Variants in DDR2 observed in about 807,000 individuals in gnomAD.
DDR2 encodes the protein discoidin domain receptor tyrosine kinase 2.
A neutral mutation model predicts 94.9 loss-of-function variants in DDR2; 27 were observed. That is an observed-to-expected ratio of 0.28 (90% CI 0.21 to 0.39). The LOEUF (loss-of-function observed/expected upper bound fraction) is 0.39, where lower values mean the gene tolerates loss of function less well. Among genes scored for constraint, DDR2 ranks in the 10% least tolerant of loss-of-function variants. DDR2 has a pLI of 1.00. For synonymous variants in DDR2, 382 were observed against 377.2 expected, an observed-to-expected ratio of 1.01 and a Z score of -0.15; for missense variants, 783 against 1,076.0, an observed-to-expected ratio of 0.73 and a Z score of 3.81.
At position 162,782,284 on chromosome 1, in the gene DDR2, T is replaced by C. The variant is rs1647946556; in HGVS notation, c.*2038T>C. The stretch of plus-strand genomic sequence containing the variant: ...TGAGGTCCTTTCTTGTTCTGATATG[T>C]CCAGTACTCACTGGAAAATTGGATC... On this transcript the variant is annotated 3_prime_UTR_variant, in exon 18 of 18. Transcript: ENST00000367921. 1 of 152,220 alleles carries C rather than the reference T, an allele frequency of 6.6e-6. No individual in the cohort carries two copies. The highest frequency in any genetic ancestry group is 2.4e-5 in the African/African-American group (1 of 41,452). 9.4% of individuals were successfully genotyped at this position (152,220 alleles called of 1,614,324 possible).
chr1:162,749,315 A>G (rs999371404), intron 3 of DDR2, among the ~76,000 whole-genome samples: 2 of 152,238 alleles, frequency 1.3e-5, no homozygotes, highest in Non-Finnish European at 2.9e-5. Flanking sequence ...AAAAAATGAT[A>G]AAGGAGTTAT....
At chr1:162,770,972 T>C (rs2102183161) in intron 12 of DDR2, among the ~76,000 whole-genome samples, 1 of 152,350 alleles carries the variant, frequency 6.6e-6, no homozygotes, top group East Asian at 1.9e-4. Flanking sequence ...GGTGTAGCCA[T>C]TTAAATAACT....
At chr1:162,737,935 T>G (rs1488258639) in intron 3 of DDR2, among the ~76,000 whole-genome samples, 1 of 151,908 alleles carries the variant, frequency 6.6e-6, no homozygotes, top group African/African-American at 2.4e-5. Context: ...TTTCATGTGT[T>G]TTTTGGCTGC....
At chr1:162,684,828 C>CACAT (rs916367117) in intron 2 of DDR2, among the ~76,000 whole-genome samples, 1 of 146,468 alleles carries the variant, frequency 6.8e-6, no homozygotes, top group Non-Finnish European at 1.5e-5. Context: ...CACACACACA[C>CACAT]ACACACACAC....
At chr1:162,694,658 C>T (rs1352765826) in intron 2 of DDR2, among the ~76,000 whole-genome samples, 10 of 151,958 alleles carry the variant, frequency 6.6e-5, no homozygotes, top group African/African-American at 2.4e-4. Context: ...ATTCATAGTG[C>T]TTAGCAAAGT....
rs911593276 is a variant in DDR2 at position 162,710,518 on chromosome 1, G to A, written c.-27-8519G>A. ...TTTGTTTCTGTGTATGTGTTTGAGGGCCCATCTCTTGCCAAAACCAAGCTC... is the reference window on the plus strand; with the variant it reads ...TTTGTTTCTGTGTATGTGTTTGAGGACCCATCTCTTGCCAAAACCAAGCTC... On this transcript the variant is annotated intron_variant, in intron 2 of 17. Transcript: ENST00000367921. Among the ~76,000 whole-genome samples, 3 of 152,078 alleles carry A rather than the reference G, an allele frequency of 2.0e-5. No homozygotes were observed. In the East Asian group the frequency reaches 5.8e-4, roughly 29 times the overall value.
chr1:162,638,022 AT>A (rs996668522), intron 1 of DDR2, among the ~76,000 whole-genome samples: 11 of 151,674 alleles, frequency 7.3e-5, no homozygotes, highest in African/African-American at 2.7e-4. Context: ...CTTTTTTTTA[AT>A]TTTTTTTATT....
Position 162,754,610 on chromosome 1 carries a change from C to A in DDR2, c.186-14C>A, listed in dbSNP as rs2102132146. 1 of 1,613,770 alleles carries A rather than the reference C, an allele frequency of 6.2e-7. No homozygotes were observed. Among genetic ancestry groups the A allele is most frequent in the East Asian group, 2.2e-5 (1 of 44,872 alleles). ...CATGGTTGCTCCCTCTCTCCCCAAC[C>A]CTCACCTCTCAAGGCTGGACTCAGA... On this transcript the variant is annotated splice_polypyrimidine_tract_variant and intron_variant, in intron 4 of 17. Transcript: ENST00000367921.
In DDR2 at chr1:162,780,311, A is replaced by G; in HGVS notation, c.*65A>G. 6.2e-7 allele frequency: 1 copy of G among 1,608,030 alleles called. No homozygotes were observed. The highest frequency in any genetic ancestry group is 8.5e-7 in the Non-Finnish European group (1 of 1,176,028). On this transcript the variant is annotated 3_prime_UTR_variant, in exon 18 of 18. Transcript: ENST00000367921. Reference sequence around the variant, plus strand: ...TCCCTACAAGACCTACCACTCACCCATGCCTATGCCACTCCATCTGGACAT... The same window carrying G: ...TCCCTACAAGACCTACCACTCACCCGTGCCTATGCCACTCCATCTGGACAT...
intron 2 of DDR2, among the ~76,000 whole-genome samples, chr1:162,701,246 A>G (rs149085731): frequency 6.6e-6 from 1 of 152,356 alleles, no homozygotes; most frequent in African/African-American, 2.4e-5. Context: ...CTGACTTCTG[A>G]AGCTCAAAGT....
Position 162,786,196 on chromosome 1 carries a change from A to G in DDR2, c.*5950A>G, listed in dbSNP as rs1374348414. On this transcript the variant is annotated 3_prime_UTR_variant, in exon 18 of 18. Coordinates refer to ENST00000367921, the MANE Select transcript of DDR2 (RefSeq NM_006182.4). ...AAGCTGGCTTCCTGCAAACACACCA[A>G]GAGTCTGTAATCTAGCCTATCCATT... is the stretch of plus-strand genomic sequence containing the variant. The G allele has an allele frequency of 1.3e-5, 2 of 152,210 alleles. No individual in the cohort carries two copies. Among genetic ancestry groups the G allele is most frequent in the African/African-American group, 4.8e-5 (2 of 41,440 alleles). The allele number at this position is 152,210 out of a possible 1,614,324, so 9.4% of individuals were successfully genotyped here.
intron 1 of DDR2, among the ~76,000 whole-genome samples, chr1:162,643,302 A>G (rs968162136): frequency 5.3e-5 from 8 of 152,076 alleles, no homozygotes; most frequent in African/African-American, 1.7e-4. Context: ...TCATTTTTCA[A>G]TGGATTGAGT....
intron 2 of DDR2, among the ~76,000 whole-genome samples, chr1:162,709,375 G>A (rs1004621185): frequency 5.9e-5 from 9 of 152,218 alleles, no homozygotes; most frequent in South Asian, 2.1e-4. Context: ...TAGGGATAGC[G>A]TGATAAGAGA....
chr1:162,780,301 C>A lies in DDR2; in HGVS notation c.*55C>A. The A allele has an allele frequency of 1.2e-6, 2 of 1,611,946 alleles. No homozygotes were observed. The highest frequency in any genetic ancestry group is 1.7e-6 in the Non-Finnish European group (2 of 1,178,760). ...GCTCAGGTCCTCCCTACAAGACCTACCACTCACCCATGCCTATGCCACTCC... is the reference window on the plus strand; with the variant it reads ...GCTCAGGTCCTCCCTACAAGACCTAACACTCACCCATGCCTATGCCACTCC... On this transcript the variant is annotated 3_prime_UTR_variant, in exon 18 of 18. Coordinates refer to ENST00000367921, the MANE Select transcript of DDR2 (RefSeq NM_006182.4).
At chr1:162,749,879 C>A (rs1663089080) in intron 3 of DDR2, among the ~76,000 whole-genome samples, 1 of 152,198 alleles carries the variant, frequency 6.6e-6, no homozygotes, top group Non-Finnish European at 1.5e-5. Flanking sequence ...TAAACCTAAT[C>A]CGTCATATAA....
intron 3 of DDR2, among the ~76,000 whole-genome samples, chr1:162,749,032 A>T (rs1663036912): frequency 6.6e-6 from 1 of 152,260 alleles, no homozygotes; most frequent in African/African-American, 2.4e-5. Context: ...TTATAGCACT[A>T]AATGCCCACA....
intron 2 of DDR2, among the ~76,000 whole-genome samples, chr1:162,694,666 A>C (rs1191549040): frequency 6.6e-6 from 1 of 152,158 alleles, no homozygotes; most frequent in Non-Finnish European, 1.5e-5. Context: ...TGCTTAGCAA[A>C]GTTTCTGATG....
At chr1:162,671,024 G>T (rs904607780) in intron 2 of DDR2, among the ~76,000 whole-genome samples, 1 of 152,126 alleles carries the variant, frequency 6.6e-6, no homozygotes, top group African/African-American at 2.4e-5. Flanking sequence ...TAAATGAGGG[G>T]TGTGGTCTGT....
At chr1:162,719,218 G>T in intron 3 of DDR2, 73 bp downstream of exon 3, 3 of 1,609,366 alleles carry the variant, frequency 1.9e-6, no homozygotes, top group South Asian at 1.1e-5. Context: ...TTCAATGGTG[G>T]GTCTAAAAGC....
Sources: gnomAD v4.1 joint callset for allele counts (sites outside exome capture counted in the v4.1 genomes callset) on GRCh38, gnomAD v4.1.1 for gene constraint, MANE v1.5 for transcripts, NCBI Gene and HGNC (gene_info 2026-07-23, HGNC 2026-07-21) for gene names.